The following TMCC3 variants were observed in gnomAD, a reference collection of about 807,000 sequenced individuals.
TMCC3 encodes transmembrane and coiled-coil domain protein 3.
In TMCC3, 28 loss-of-function variants were observed where a neutral mutation model predicts 40.2. That is an observed-to-expected ratio of 0.70 (90% CI 0.52 to 0.95). TMCC3 has a LOEUF of 0.95. Among genes scored for constraint, TMCC3 ranks in the 40% least tolerant of loss-of-function variants. The pLI is 0.00. For synonymous variants in TMCC3, 255 were observed against 248.5 expected, an observed-to-expected ratio of 1.03 and a Z score of -0.25; for missense variants, 554 against 615.2, an observed-to-expected ratio of 0.90 and a Z score of 1.05.
intron 1 of TMCC3, among the ~76,000 whole-genome samples, chr12:94,634,926 T>C (rs1282012087): frequency 6.6e-6 from 1 of 152,362 alleles, no homozygotes; most frequent in East Asian, 1.9e-4. Flanking sequence ...CACATGTAAA[T>C]AGCATATTCA....
intron 1 of TMCC3, among the ~76,000 whole-genome samples, chr12:94,603,547 CCA>C: frequency 6.6e-6 from 1 of 152,264 alleles, no homozygotes; most frequent in South Asian, 2.1e-4. Context: ...ATGAAAGAAG[CCA>C]CACACAAAAA....
At chr12:94,579,237 T>C (rs2068585914) in intron 2 of TMCC3, among the ~76,000 whole-genome samples, 1 of 152,212 alleles carries the variant, frequency 6.6e-6, no homozygotes, top group Non-Finnish European at 1.5e-5. Flanking sequence ...CTGGGTGCAG[T>C]GGCTCACGCC....
intron 1 of TMCC3, among the ~76,000 whole-genome samples, chr12:94,608,746 C>T (rs75154270): frequency 0.065 from 9,917 of 152,192 alleles, 712 homozygotes; most frequent in African/African-American, 0.18. Flanking sequence ...TCAAGCAGAG[C>T]ATGCCAAGGT....
chr12:94,598,312 CCT>C (rs1416622216), intron 1 of TMCC3, among the ~76,000 whole-genome samples: 1 of 152,128 alleles, frequency 6.6e-6, no homozygotes, highest in African/African-American at 2.4e-5. Flanking sequence ...CATACATATA[CCT>C]GTTTCCTTTA....
chr12:94,597,124 CATATATATATATATATATATAT>C (rs869220054), intron 1 of TMCC3, among the ~76,000 whole-genome samples: 2 of 29,836 alleles, frequency 6.7e-5, no homozygotes, highest in African/African-American at 9.9e-5. Context: ...TATTAAAATA[CATATATATATATATATATATAT>C]ATATATATAT....
chr12:94,590,676 C>A, intron 1 of TMCC3: 1 of 263,550 alleles, frequency 3.8e-6, no homozygotes, highest in Non-Finnish European at 7.4e-6. Context: ...CAGCATGGCC[C>A]CACAGTGGGG....
intron 1 of TMCC3, among the ~76,000 whole-genome samples, chr12:94,586,062 T>C (rs535536339): frequency 1.7e-4 from 26 of 152,350 alleles, no homozygotes; most frequent in Non-Finnish European, 3.5e-4. Flanking sequence ...TCTGCTCGCA[T>C]AGCCCTGACA....
At chr12:94,605,698 C>T (rs984928016) in intron 1 of TMCC3, among the ~76,000 whole-genome samples, 5 of 152,174 alleles carry the variant, frequency 3.3e-5, no homozygotes, top group Non-Finnish European at 7.3e-5. Flanking sequence ...AGCCTTGGTA[C>T]TTTCCATCGG....
intron 1 of TMCC3, among the ~76,000 whole-genome samples, chr12:94,597,825 TAATAAA>T (rs1220124016): frequency 1.3e-5 from 2 of 151,814 alleles, no homozygotes; most frequent in Admixed American, 6.6e-5. Context: ...AATAAATAAA[TAATAAA>T]AATAAAATAA....
rs914618285 is a variant in TMCC3, at chr12:94,571,220, T to C, written c.*215A>G. On this transcript the variant is annotated 3_prime_UTR_variant, in exon 4 of 4. Transcript: ENST00000261226. ...GGTCTGATTAAGGCAGTGAGCAAGGTAGGAGAGCTCTGAAACAGATTCGTG... is the reference window on the plus strand; with the variant it reads ...GGTCTGATTAAGGCAGTGAGCAAGGCAGGAGAGCTCTGAAACAGATTCGTG... 1 of 589,636 alleles carries C rather than the reference T, an allele frequency of 1.7e-6. No homozygotes were observed. The highest frequency in any genetic ancestry group is 3.0e-6 in the Non-Finnish European group (1 of 337,476). The allele number at this position is 589,636 out of a possible 1,614,324, so 36.5% of individuals were successfully genotyped here.
chr12:94,582,927 A>G (rs75894974), intron 1 of TMCC3, among the ~76,000 whole-genome samples: 1,511 of 149,710 alleles, frequency 0.01, 9 homozygotes, highest in Non-Finnish European at 0.012. Context: ...TGGGGAACGC[A>G]TCCAACTCAG....
chr12:94,626,236 T>G (rs565584144), intron 1 of TMCC3, among the ~76,000 whole-genome samples: 7 of 152,316 alleles, frequency 4.6e-5, no homozygotes, highest in Non-Finnish European at 8.8e-5. Flanking sequence ...TCCCTCGACA[T>G]GTGGGGATTA....
At chr12:94,626,202 G>A (rs1304472934) in intron 1 of TMCC3, among the ~76,000 whole-genome samples, 2 of 152,090 alleles carry the variant, frequency 1.3e-5, no homozygotes, top group African/African-American at 2.4e-5. Context: ...GGGGGAAATC[G>A]CCCCCATAAT....
intron 1 of TMCC3, chr12:94,615,886 A>G: frequency 1.0e-6 from 1 of 975,994 alleles, no homozygotes; most frequent in Non-Finnish European, 1.2e-6. Context: ...ATATTTACAC[A>G]CTCTGGCTGA....
In TMCC3 at chr12:94,581,715, TG is replaced by T. The variant is rs752086456; in HGVS notation, c.901del (p.Gln301LysfsTer11). 6.2e-7 allele frequency: 1 copy of T among 1,614,216 alleles called. No homozygotes were observed. Among genetic ancestry groups the T allele is most frequent in the Non-Finnish European group, 8.5e-7 (1 of 1,180,034 alleles). On this transcript the variant is annotated frameshift_variant, in exon 2 of 4. Transcript: ENST00000261226. LOFTEE classifies it high-confidence loss of function. The stretch of plus-strand genomic sequence containing the variant: ...CTCGATGTCCTCAGCCAGCTGAGCT[TG>T]GGTATCCTTGATCTCCCTCAGTTCC... ...LEELREIKDT[Q>X]AQLAEDIEAL...
At chr12:94,622,098 C>A (rs1355369858) in intron 1 of TMCC3, among the ~76,000 whole-genome samples, 1 of 152,212 alleles carries the variant, frequency 6.6e-6, no homozygotes, top group Non-Finnish European at 1.5e-5. Context: ...AATATTAGTA[C>A]CTTCAGCAAA....
At chr12:94,583,467 G>A (rs2068619818) in intron 1 of TMCC3, among the ~76,000 whole-genome samples, 1 of 152,104 alleles carries the variant, frequency 6.6e-6, no homozygotes, top group Non-Finnish European at 1.5e-5. Flanking sequence ...TCACACCACT[G>A]TACTCTATCT....
intron 1 of TMCC3, among the ~76,000 whole-genome samples, chr12:94,601,808 C>CAAAAAAAAAAA (rs61372290): frequency 3.9e-5 from 3 of 76,732 alleles, no homozygotes; most frequent in African/African-American, 7.3e-5. Context: ...GACCTGGTCT[C>CAAAAAAAAAAA]AAAAAAAAAA....
chr12:94,570,589 T>A lies in TMCC3; in HGVS notation c.*846A>T, dbSNP rs11107606. On this transcript the variant is annotated 3_prime_UTR_variant, in exon 4 of 4. Transcript: ENST00000261226. ...CTGAGCAATATTTAGCAGAGCCCTG[T>A]CTCAAAAAAGAAAAAAGATTTGCCA... The A allele has an allele frequency of 9.2e-5, 14 of 152,248 alleles. No homozygotes were observed. Among genetic ancestry groups the A allele is most frequent in the African/African-American group, 3.1e-4 (13 of 41,464 alleles). The allele number at this position is 152,248 out of a possible 1,614,324, so 9.4% of individuals were successfully genotyped here.
Sources: gnomAD v4.1 joint callset for allele counts (sites outside exome capture counted in the v4.1 genomes callset) on GRCh38, gnomAD v4.1.1 for gene constraint, MANE v1.5 for transcripts, NCBI Gene and HGNC (gene_info 2026-07-23, HGNC 2026-07-21) for gene names.